TSPEAR: variants seen among roughly 807,000 people sequenced by gnomAD.
TSPEAR encodes thrombospondin type laminin G domain and EAR repeats.
A neutral mutation model predicts 71.6 loss-of-function variants in TSPEAR; 69 were observed. The ratio of observed to expected loss-of-function variants is 0.96; its 90% CI spans 0.79 to 1.18. The LOEUF (loss-of-function observed/expected upper bound fraction) is 1.18, where lower values mean the gene tolerates loss of function less well. Among genes scored for constraint, TSPEAR ranks in the 50% most tolerant of loss-of-function variants. The pLI, the probability that TSPEAR is intolerant of heterozygous loss-of-function variation, is 0.00. For synonymous variants in TSPEAR, 402 were observed against 387.2 expected (o/e 1.04, Z -0.45); for missense variants, 971 against 894.9 (o/e 1.09, Z -1.09).
intron 3 of TSPEAR, among the ~76,000 whole-genome samples, chr21:44,533,185 G>A (rs1569169225): frequency 6.6e-6 from 1 of 152,230 alleles, no homozygotes; most frequent in South Asian, 2.1e-4. Context: ...TGACAGGAGT[G>A]TGCTTCATAA....
chr21:44,641,324 C>A (rs781831136), intron 1 of TSPEAR, among the ~76,000 whole-genome samples: 1 of 152,156 alleles, frequency 6.6e-6, no homozygotes, highest in Middle Eastern at 3.4e-3. Flanking sequence ...AGGAAAACAC[C>A]CCAAGTTCCA....
chr21:44,574,715 GC>G (rs1190923757), intron 1 of TSPEAR: 6 of 1,609,010 alleles, frequency 3.7e-6, no homozygotes, highest in African/African-American at 1.3e-5. Flanking sequence ...GCTGCTGCGT[GC>G]CCGTCTGCTG....
At chr21:44,509,804 A>G (rs782740947) in intron 9 of TSPEAR, 6 of 222,400 alleles carry the variant, frequency 2.7e-5, no homozygotes, top group East Asian at 1.3e-4. Context: ...TCAGCAATCC[A>G]TGCCTTCTCC....
rs1986913005 is a variant in TSPEAR at position 44,687,483 on chromosome 21, C to A, written c.82+23950G>T. ...GCGGCATTGCTTACGCACACGGCAA[C>A]AGGAACGCATCGCAGAAACACCGCG... is the stretch of plus-strand genomic sequence containing the variant. On this transcript the variant is annotated intron_variant, in intron 1 of 11. Transcript: ENST00000323084. The surrounding 1 kb of genome is among the most constrained non-coding windows in gnomAD (Gnocchi z 4.4). Among the ~76,000 whole-genome samples, 1 of 152,208 alleles carries A rather than the reference C, an allele frequency of 6.6e-6. No individual in the cohort carries two copies. The highest frequency in any genetic ancestry group is 1.5e-5 in the Non-Finnish European group (1 of 68,024).
rs374082166 is a variant in TSPEAR, at chr21:44,637,897, G to C, written c.83-69892C>G. ...CTAAGTCCGTCTGCTATGTGCCTGT[G>C]TGCTCTGGGGCTTCCACTTCATGCT... is the stretch of plus-strand genomic sequence containing the variant. On this transcript the variant is annotated intron_variant, in intron 1 of 11. Coordinates refer to ENST00000323084, the MANE Select transcript of TSPEAR (RefSeq NM_144991.3). The C allele has an allele frequency of 3.2e-4, 491 of 1,530,226 alleles. 1 individual carries two copies. Among genetic ancestry groups the C allele is most frequent in the Middle Eastern group, 6.9e-4 (4 of 5,822 alleles). The allele number at this position is 1,530,226 out of a possible 1,614,324, so 94.8% of individuals were successfully genotyped here.
chr21:44,627,889 A>C (rs782540696), intron 1 of TSPEAR: 60 of 1,609,328 alleles, frequency 3.7e-5, no homozygotes, highest in Non-Finnish European at 4.7e-5. Context: ...CCCTGTGTGC[A>C]GGCCCGCCTG....
chr21:44,574,026 T>C (rs1555923192), intron 1 of TSPEAR: 2 of 1,613,164 alleles, frequency 1.2e-6, no homozygotes, highest in East Asian at 4.5e-5. Flanking sequence ...GCCCTCGTGC[T>C]GCCAGCAGTC....
intron 1 of TSPEAR, among the ~76,000 whole-genome samples, chr21:44,608,209 A>G (rs902182729): frequency 3.3e-5 from 5 of 152,238 alleles, no homozygotes; most frequent in African/African-American, 1.2e-4. Flanking sequence ...GCATGTAATC[A>G]TACTTCAATA....
intron 1 of TSPEAR, chr21:44,628,239 C>G: frequency 1.6e-6 from 1 of 627,198 alleles, no homozygotes. Flanking sequence ...CGAGCCCTGG[C>G]TTCTCCTCAC....
At chr21:44,531,774 G>T (rs879978545) in intron 3 of TSPEAR, among the ~76,000 whole-genome samples, 2 of 152,206 alleles carry the variant, frequency 1.3e-5, no homozygotes, top group African/African-American at 4.8e-5. Context: ...TTCAGGACAG[G>T]AAGGAGGCTG....
At chr21:44,702,944 G>T (rs879970160) in intron 1 of TSPEAR, among the ~76,000 whole-genome samples, 4 of 152,250 alleles carry the variant, frequency 2.6e-5, no homozygotes, top group Admixed American at 2.0e-4. Flanking sequence ...TACAACCACG[G>T]CTTACCTATC....
chr21:44,626,716 T>C (rs1438897230), intron 1 of TSPEAR, among the ~76,000 whole-genome samples: 1 of 152,074 alleles, frequency 6.6e-6, no homozygotes, highest in Non-Finnish European at 1.5e-5. Flanking sequence ...CAGGAAATAA[T>C]TCCTAAGGGC....
At chr21:44,574,832 C>G (rs782070214) in intron 1 of TSPEAR, 6 of 1,614,168 alleles carry the variant, frequency 3.7e-6, no homozygotes, top group South Asian at 1.1e-5. Flanking sequence ...GCAGACCCTC[C>G]TCCTCCGTGT....
rs587649237 is a variant in TSPEAR, at chr21:44,566,219, CA to C, written c.303+1565del. On this transcript the variant is annotated intron_variant, in intron 2 of 11. Transcript: ENST00000323084. Reference sequence around the variant, plus strand: ...AAATAACGGTATTTCTATATATTTGCAATTAACAAGCCAAACATGAAATTAT... The same window carrying C: ...AAATAACGGTATTTCTATATATTTGCATTAACAAGCCAAACATGAAATTAT... Among the ~76,000 whole-genome samples the C allele has an allele frequency of 4.4e-3, 668 of 151,966 alleles. 5 individuals carry two copies. The highest frequency in any genetic ancestry group is 0.015 in the African/African-American group (623 of 41,406).
intron 1 of TSPEAR, among the ~76,000 whole-genome samples, chr21:44,660,702 C>G (rs1985438217): frequency 6.6e-5 from 10 of 152,212 alleles, no homozygotes; most frequent in Admixed American, 6.5e-4. Context: ...TGCCGTGATT[C>G]ATGTCTGTAA....
chr21:44,688,305 A>G (rs1555949197), intron 1 of TSPEAR, among the ~76,000 whole-genome samples: 1 of 148,006 alleles, frequency 6.8e-6, no homozygotes, highest in Non-Finnish European at 1.5e-5. Context: ...CAACACTCAA[A>G]CAGTGTGGCT....
intron 1 of TSPEAR, among the ~76,000 whole-genome samples, chr21:44,630,999 A>G (rs1274994677): frequency 6.6e-6 from 1 of 152,316 alleles, no homozygotes; most frequent in East Asian, 1.9e-4. Context: ...TCAAATTATA[A>G]TATTCCAAAT....
chr21:44,530,784 CAG>C (rs1334514896), intron 4 of TSPEAR, among the ~76,000 whole-genome samples: 4 of 152,204 alleles, frequency 2.6e-5, no homozygotes, highest in Non-Finnish European at 5.9e-5. Context: ...GGCTGCAGGG[CAG>C]AGTGTGGGCA....
chr21:44,518,848 G>A (rs782515552), intron 9 of TSPEAR: 121 of 372,038 alleles, frequency 3.3e-4, no homozygotes, highest in Non-Finnish European at 5.9e-4. Context: ...GTGTGAGCCT[G>A]GGGCCAGCAG....
Sources: allele counts gnomAD v4.1 joint callset (sites outside exome capture counted in the v4.1 genomes callset), GRCh38; gene constraint gnomAD v4.1.1; non-coding constraint Gnocchi (gnomAD v3.1); transcripts MANE v1.5; gene names NCBI Gene and HGNC (gene_info 2026-07-23, HGNC 2026-07-21).